The following CTNNA3 variants were observed in gnomAD, a reference collection of about 807,000 sequenced individuals.
CTNNA3 encodes catenin alpha-3.
A neutral mutation model predicts 95.7 loss-of-function variants in CTNNA3; 76 were observed. The observed-to-expected ratio is 0.79, with a 90% confidence interval of 0.66 to 0.96. CTNNA3 has a LOEUF of 0.96. Ranked by LOEUF, CTNNA3 falls within the 40% of genes least tolerant of loss-of-function variation. CTNNA3 has a pLI of 0.00. For synonymous variants in CTNNA3, 431 were observed against 374.4 expected, an observed-to-expected ratio of 1.15 and a Z score of -1.74; for missense variants, 1,191 against 1,089.8, an observed-to-expected ratio of 1.09 and a Z score of -1.31.
chr10:66,444,506 TG>T (rs1554965115), intron 11 of CTNNA3, among the ~76,000 whole-genome samples: 5 of 151,972 alleles, frequency 3.3e-5, no homozygotes, highest in Non-Finnish European at 7.4e-5. Context: ...CAGAAGAGAG[TG>T]GGGGCCAACA....
chr10:67,689,171 C>T (rs1840793502), intron 1 of CTNNA3, among the ~76,000 whole-genome samples: 1 of 152,100 alleles, frequency 6.6e-6, no homozygotes, highest in Admixed American at 6.6e-5. Context: ...ACGGACATAC[C>T]CTGAGAGAGG....
At chr10:66,532,248 G>A (rs1841492459) in intron 10 of CTNNA3, among the ~76,000 whole-genome samples, 1 of 152,090 alleles carries the variant, frequency 6.6e-6, no homozygotes, top group Admixed American at 6.6e-5. Flanking sequence ...GGATCACAAG[G>A]TCAGGAGATC....
chr10:67,331,390 C>T (rs1423114864), intron 5 of CTNNA3, among the ~76,000 whole-genome samples: 6 of 152,160 alleles, frequency 3.9e-5, no homozygotes, highest in African/African-American at 1.4e-4. Flanking sequence ...AGCATAAAGT[C>T]ACAGGGAATT....
At chr10:66,284,412 C>G (rs1390078555) in intron 12 of CTNNA3, among the ~76,000 whole-genome samples, 1 of 151,790 alleles carries the variant, frequency 6.6e-6, no homozygotes, top group African/African-American at 2.4e-5. Context: ...CTCTCTGAAC[C>G]CTAAATCTGC....
chr10:67,508,488 A>T (rs1437744146), intron 5 of CTNNA3, among the ~76,000 whole-genome samples: 2 of 152,232 alleles, frequency 1.3e-5, no homozygotes, highest in Non-Finnish European at 2.9e-5. Flanking sequence ...TTTATCCTAC[A>T]TCACAAACAA....
chr10:66,348,494 C>A (rs1343080743), intron 12 of CTNNA3, among the ~76,000 whole-genome samples: 1 of 151,892 alleles, frequency 6.6e-6, no homozygotes, highest in Non-Finnish European at 1.5e-5. Flanking sequence ...ATGTATAAAA[C>A]AATACAGGGA....
chr10:67,080,962 G>A (rs1257304746), intron 7 of CTNNA3, among the ~76,000 whole-genome samples: 1 of 150,782 alleles, frequency 6.6e-6, no homozygotes, highest in African/African-American at 2.4e-5. Flanking sequence ...AAGAAGAGGT[G>A]AAGTAACTTA....
intron 10 of CTNNA3, among the ~76,000 whole-genome samples, chr10:66,593,145 G>T (rs1279092648): frequency 6.6e-6 from 1 of 152,142 alleles, no homozygotes; most frequent in African/African-American, 2.4e-5. Context: ...CATTATGTAA[G>T]AATTTATTAG....
intron 6 of CTNNA3, among the ~76,000 whole-genome samples, chr10:67,185,412 C>T (rs569447644): frequency 1.4e-3 from 210 of 152,232 alleles, no homozygotes; most frequent in Non-Finnish European, 2.8e-3. Context: ...AGGTGTGAGC[C>T]ATCACGGCCG....
intron 7 of CTNNA3, among the ~76,000 whole-genome samples, chr10:66,841,200 T>G (rs2132348469): frequency 6.6e-6 from 1 of 152,300 alleles, no homozygotes; most frequent in African/African-American, 2.4e-5. Context: ...GAATGCAAAC[T>G]GGTCTTTAAG....
At chr10:67,164,365 C>A (rs1228998096) in intron 7 of CTNNA3, among the ~76,000 whole-genome samples, 1 of 151,994 alleles carries the variant, frequency 6.6e-6, no homozygotes, top group Non-Finnish European at 1.5e-5. Flanking sequence ...AATGGAGGAA[C>A]AAATAGTGCT....
chr10:66,232,844 C>T (rs1263682418), intron 13 of CTNNA3, among the ~76,000 whole-genome samples: 1 of 152,078 alleles, frequency 6.6e-6, no homozygotes, highest in Non-Finnish European at 1.5e-5. Context: ...TTAACTTTTA[C>T]CTTCTGCAAC....
At chr10:66,419,906 C>T (rs4746584) in intron 11 of CTNNA3, among the ~76,000 whole-genome samples, 40,262 of 151,922 alleles carry the variant, frequency 0.27, 5,495 homozygotes, top group South Asian at 0.39. Flanking sequence ...ATTAAATACT[C>T]AAGTGTAAAA....
intron 7 of CTNNA3, among the ~76,000 whole-genome samples, chr10:66,839,677 A>T (rs546606957): frequency 9.2e-5 from 14 of 152,308 alleles, no homozygotes; most frequent in African/African-American, 2.9e-4. Context: ...TTCAGATGTC[A>T]ATCTCCTAAT....
intron 5 of CTNNA3, among the ~76,000 whole-genome samples, chr10:67,246,850 GA>G (rs1353328633): frequency 2.0e-5 from 3 of 152,084 alleles, no homozygotes; most frequent in Non-Finnish European, 4.4e-5. Flanking sequence ...AATGCGCAAG[GA>G]AAATGGCAGG....
At chr10:66,600,596 T>C (rs919194772) in intron 10 of CTNNA3, among the ~76,000 whole-genome samples, 1 of 151,862 alleles carries the variant, frequency 6.6e-6, no homozygotes, top group Non-Finnish European at 1.5e-5. Flanking sequence ...AGAACTGTAT[T>C]TTAACTTCCT....
chr10:66,931,902 G>T lies in CTNNA3; in HGVS notation c.1048-156378C>A, dbSNP rs534112404. Reference sequence around the variant, plus strand: ...AGCATTTTGATATTTTTATTAAAGGGGTTAATATTTTTCATCAGCAAGATA... The same window carrying T: ...AGCATTTTGATATTTTTATTAAAGGTGTTAATATTTTTCATCAGCAAGATA... On this transcript the variant is annotated intron_variant, in intron 7 of 17. Transcript: ENST00000433211. Among the ~76,000 whole-genome samples, 3 of 152,168 alleles carry T rather than the reference G, an allele frequency of 2.0e-5. No homozygotes were observed. The East Asian group carries it at 5.8e-4, about 29-fold the overall frequency.
At chr10:66,105,312 T>C (rs10822719) in intron 13 of CTNNA3, among the ~76,000 whole-genome samples, 24,379 of 152,216 alleles carry the variant, frequency 0.16, 2,458 homozygotes, top group South Asian at 0.36. Context: ...CTTGTCACAG[T>C]ATTCTTGAGA....
intron 1 of CTNNA3, among the ~76,000 whole-genome samples, chr10:67,679,759 G>C (rs1264154063): frequency 2.0e-5 from 3 of 152,108 alleles, no homozygotes; most frequent in Non-Finnish European, 2.9e-5. Context: ...ATAAAGAAAT[G>C]TGAGCTATCT....
Sources: gnomAD v4.1 joint callset for allele counts (sites outside exome capture counted in the v4.1 genomes callset) on GRCh38, gnomAD v4.1.1 for gene constraint, MANE v1.5 for transcripts, NCBI Gene and HGNC (gene_info 2026-07-23, HGNC 2026-07-21) for gene names.